The following PMS1 variants were observed in gnomAD, a reference collection of about 807,000 sequenced individuals.
The protein encoded by PMS1 is PMS1 protein homolog 1.
PMS1 carries 79 observed loss-of-function variants against 93.1 expected under a neutral mutation model. The ratio of observed to expected loss-of-function variants is 0.85; its 90% CI spans 0.71 to 1.02. PMS1 has a LOEUF of 1.02. Ranked by LOEUF, PMS1 falls within the 50% of genes least tolerant of loss-of-function variation. PMS1 has a pLI of 0.00. For synonymous variants in PMS1, 335 were observed against 363.4 expected, an observed-to-expected ratio of 0.92 and a Z score of 0.89; for missense variants, 1,064 against 1,085.3, an observed-to-expected ratio of 0.98 and a Z score of 0.28.
intron 4 of PMS1, among the ~76,000 whole-genome samples, chr2:189,807,962 T>C (rs1292370432): frequency 1.3e-5 from 2 of 152,230 alleles, no homozygotes; most frequent in Non-Finnish European, 2.9e-5. Context: ...TTGTTCTTGG[T>C]GGACATATTA....
At chr2:189,817,618 T>C (rs2051435279) in intron 4 of PMS1, among the ~76,000 whole-genome samples, 1 of 152,218 alleles carries the variant, frequency 6.6e-6, no homozygotes. Context: ...CAGGTAAGAA[T>C]TTCCAGTAAC....
At chr2:189,803,131 C>T (rs1232153413) in intron 3 of PMS1, among the ~76,000 whole-genome samples, 1 of 152,092 alleles carries the variant, frequency 6.6e-6, no homozygotes, top group Non-Finnish European at 1.5e-5. Context: ...GTTTTCAACT[C>T]GTTTTTGTGT....
intron 5 of PMS1, among the ~76,000 whole-genome samples, chr2:189,819,637 T>G (rs182482307): frequency 1.3e-5 from 2 of 152,360 alleles, no homozygotes; most frequent in Admixed American, 6.5e-5. Context: ...ATTAGTAATG[T>G]TGAGCATTTT....
chr2:189,857,022 G>C (rs537418281), intron 9 of PMS1, among the ~76,000 whole-genome samples: 1 of 152,032 alleles, frequency 6.6e-6, no homozygotes, highest in Non-Finnish European at 1.5e-5. Context: ...GCTTCACCTG[G>C]ATTCTAATCA....
chr2:189,868,730 TAAAA>T (rs1442699816), intron 11 of PMS1, among the ~76,000 whole-genome samples: 1 of 152,210 alleles, frequency 6.6e-6, no homozygotes, highest in Non-Finnish European at 1.5e-5. Context: ...TGAAAATAAG[TAAAA>T]ACAATGTACA....
chr2:189,799,001 G>C (rs1053423178), intron 3 of PMS1, among the ~76,000 whole-genome samples: 3 of 152,064 alleles, frequency 2.0e-5, no homozygotes, highest in African/African-American at 7.2e-5. Flanking sequence ...CTGTAGTTCT[G>C]AGTTTAGATG....
chr2:189,804,122 AG>A (rs1305453449), intron 3 of PMS1, among the ~76,000 whole-genome samples: 1 of 152,188 alleles, frequency 6.6e-6, no homozygotes, highest in African/African-American at 2.4e-5. Flanking sequence ...TCATTTATTC[AG>A]GACCATCTAG....
At position 189,863,931 on chromosome 2, in the gene PMS1, T is replaced by C. The variant is rs1184691611; in HGVS notation, c.2045T>C (p.Leu682Pro). ...LSNQPKLDEL[L>P]QSQIEKRRSQ... is the part of the protein sequence containing the mutation. Reference sequence around the variant, plus strand: ...AATCAACCAAAACTTGATGAACTCCTTCAGTCCCAAATTGAAAAAAGAAGG... The same window carrying C: ...AATCAACCAAAACTTGATGAACTCCCTCAGTCCCAAATTGAAAAAAGAAGG... Residue 682 changes from leucine (L) to proline (P), a missense_variant, in exon 10 of 13, where the codon CTT (leucine) becomes CCT (proline). By Grantham distance (98) the Leu-to-Pro change is moderately conservative. Coordinates refer to ENST00000441310, the MANE Select transcript of PMS1 (RefSeq NM_000534.5). 6.2e-7 allele frequency: 1 copy of C among 1,612,128 alleles called. No homozygotes were observed. The highest frequency in any genetic ancestry group is 8.5e-7 in the Non-Finnish European group (1 of 1,178,680).
intron 10 of PMS1, among the ~76,000 whole-genome samples, chr2:189,865,202 AATTTAT>A (rs1326393288): frequency 6.6e-6 from 1 of 152,054 alleles, no homozygotes; most frequent in Non-Finnish European, 1.5e-5. Context: ...TTTTTTAAAA[AATTTAT>A]ATTTAATTTG....
chr2:189,795,761 T>A lies in PMS1; in HGVS notation c.133-8T>A. 1 of 1,609,728 alleles carries A rather than the reference T, an allele frequency of 6.2e-7. No individual in the cohort carries two copies. The highest frequency in any genetic ancestry group is 8.5e-7 in the Non-Finnish European group (1 of 1,175,986). On this transcript the variant is annotated splice_polypyrimidine_tract_variant and splice_region_variant and intron_variant, in intron 2 of 12. Coordinates refer to ENST00000441310, the MANE Select transcript of PMS1 (RefSeq NM_000534.5). Reference sequence around the variant, plus strand: ...TACATATTAAAAGTGTTTTTTGACATTTTATAGGAGAACTATGGATTTGAT... The same window carrying A: ...TACATATTAAAAGTGTTTTTTGACAATTTATAGGAGAACTATGGATTTGAT...
At chr2:189,804,779 A>G (rs576732562) in intron 3 of PMS1, among the ~76,000 whole-genome samples, 15 of 152,264 alleles carry the variant, frequency 9.9e-5, no homozygotes, top group African/African-American at 3.6e-4. Context: ...CTCTTCGTAT[A>G]AAGATGGCCA....
chr2:189,830,470 T>C (rs905646175), intron 5 of PMS1, among the ~76,000 whole-genome samples: 2 of 152,226 alleles, frequency 1.3e-5, no homozygotes, highest in African/African-American at 2.4e-5. Context: ...TTCCTAAAAT[T>C]GCAACCATTT....
intron 12 of PMS1, among the ~76,000 whole-genome samples, chr2:189,876,770 C>CTTTTTT (rs150660131): frequency 8.5e-6 from 1 of 117,904 alleles, no homozygotes; most frequent in Non-Finnish European, 1.7e-5. Flanking sequence ...ACCGTGCCCA[C>CTTTTTT]TTTTTTTTTT....
chr2:189,853,975 G>T lies in PMS1; in HGVS notation c.859G>T (p.Glu287Ter). 6.2e-7 allele frequency: 1 copy of T among 1,603,334 alleles called. No individual in the cohort carries two copies. Among genetic ancestry groups the T allele is most frequent in the Non-Finnish European group, 8.5e-7 (1 of 1,173,310 alleles). Residue 287 changes from glutamate to a stop codon, truncating the protein, a stop_gained, in exon 8 of 13, where the codon GAA (glutamate) becomes TAA (stop). Coordinates refer to ENST00000441310, the MANE Select transcript of PMS1 (RefSeq NM_000534.5). LOFTEE classifies it high-confidence loss of function. ...RHHYNLKCLKESTRLYPVFFL... is the reference protein window; with the variant it reads ...RHHYNLKCLK ...TCATTACAATCTGAAATGCCTAAAG[G>T]AATCTACTCGTTTGTATCCTGTTTT...
intron 11 of PMS1, among the ~76,000 whole-genome samples, chr2:189,872,930 A>C (rs923836439): frequency 2.0e-5 from 3 of 152,162 alleles, no homozygotes; most frequent in Admixed American, 2.0e-4. Context: ...CACTATGCCC[A>C]GCCATTTAGT....
intron 2 of PMS1, among the ~76,000 whole-genome samples, chr2:189,792,698 TATATATATATATATATATATATGTAAA>T (rs1390501228): frequency 7.9e-6 from 1 of 127,272 alleles, no homozygotes. Flanking sequence ...AATATATATA[TATATATATATATATATATATATGTAAA>T]ATAAAATCCC....
chr2:189,814,544 C>G (rs2051111237), intron 4 of PMS1, among the ~76,000 whole-genome samples: 1 of 152,074 alleles, frequency 6.6e-6, no homozygotes, highest in Admixed American at 6.5e-5. Flanking sequence ...CAAATACAAA[C>G]TTTATTACTT....
At chr2:189,788,966 A>T (rs2048607801) in intron 1 of PMS1, among the ~76,000 whole-genome samples, 1 of 152,168 alleles carries the variant, frequency 6.6e-6, no homozygotes, top group African/African-American at 2.4e-5. Context: ...TGTTATGATG[A>T]TGGAGTAGCC....
At chr2:189,820,594 G>A (rs943013760) in intron 5 of PMS1, among the ~76,000 whole-genome samples, 2 of 152,140 alleles carry the variant, frequency 1.3e-5, no homozygotes, top group African/African-American at 4.8e-5. Flanking sequence ...GATTACAGGT[G>A]TGTGAGCTAC....
Sources: gnomAD v4.1 joint callset for allele counts (sites outside exome capture counted in the v4.1 genomes callset) on GRCh38, gnomAD v4.1.1 for gene constraint, MANE v1.5 for transcripts, NCBI Gene and HGNC (gene_info 2026-07-23, HGNC 2026-07-21) for gene names.